DLGAP2: variants seen among roughly 807,000 people sequenced by gnomAD.
DLGAP2 encodes DLG associated protein 2.
In DLGAP2, 26 loss-of-function variants were observed where a neutral mutation model predicts 100.3. The ratio of observed to expected loss-of-function variants is 0.26; its 90% CI spans 0.19 to 0.36. The LOEUF (loss-of-function observed/expected upper bound fraction) is 0.36. Ranked by LOEUF, DLGAP2 falls within the 10% of genes least tolerant of loss-of-function variation. The pLI is 1.00. For missense variants in DLGAP2, 1,858 were observed against 1,453.2 expected (o/e 1.28, Z -4.53); for synonymous variants, 886 against 630.1 (o/e 1.41, Z -6.08).
At chr8:1,188,783 C>G (rs1326225433) in intron 2 of DLGAP2, among the ~76,000 whole-genome samples, 1 of 152,166 alleles carries the variant, frequency 6.6e-6, no homozygotes, top group African/African-American at 2.4e-5. Context: ...ACACGCTGAA[C>G]AAAAGCTTTG....
chr8:1,662,868 G>A (rs1798442375), intron 8 of DLGAP2, among the ~76,000 whole-genome samples: 1 of 150,608 alleles, frequency 6.6e-6, no homozygotes, highest in African/African-American at 2.5e-5. Flanking sequence ...ACGTGTGAGT[G>A]TGGGGTGTGT....
At position 1,701,391 on chromosome 8, in the gene DLGAP2, C is replaced by A. The variant is rs750848310; in HGVS notation, c.3153C>A (p.Ala1051=). 6 of 1,593,054 alleles carry A rather than the reference C, an allele frequency of 3.8e-6. No homozygotes were observed. Among genetic ancestry groups the A allele is most frequent in the Non-Finnish European group, 4.3e-6 (5 of 1,170,760 alleles). Residue 1051 remains alanine, a synonymous_variant, in exon 15 of 15, where the codon GCC becomes GCA. Coordinates refer to ENST00000637795, the MANE Select transcript of DLGAP2 (RefSeq NM_001346810.2). The part of the protein sequence containing the change: ...ADSIEIYIPE[A]QTRL ...GCATCGAGATCTACATCCCCGAGGC[C>A]CAGACCCGGCTCTGAGGGCGGAGGC... is the stretch of plus-strand genomic sequence containing the variant.
chr8:1,031,795 T>TA (rs1194662518), intron 2 of DLGAP2, among the ~76,000 whole-genome samples: 12 of 152,200 alleles, frequency 7.9e-5, no homozygotes, highest in African/African-American at 2.9e-4. Flanking sequence ...TACCAAAAAA[T>TA]AAAAATCATT....
rs184606838 is a variant in DLGAP2, at chr8:1,617,968, G to A, written c.1443-8772G>A. ...AGTAAGTGGAATAAGTAAGTAAAAG[G>A]CTACAGTTCTAACCCTGGGGAAAAA... On this transcript the variant is annotated intron_variant, in intron 6 of 14. Transcript: ENST00000637795. Among the ~76,000 whole-genome samples, 231 of 152,266 alleles carry A rather than the reference G, an allele frequency of 1.5e-3. 3 individuals carry two copies. Among genetic ancestry groups the A allele is most frequent in the Non-Finnish European group, 1.6e-3 (108 of 68,022 alleles).
At chr8:947,460 C>T (rs1377565411) in intron 2 of DLGAP2, among the ~76,000 whole-genome samples, 5 of 152,234 alleles carry the variant, frequency 3.3e-5, no homozygotes. Context: ...CAGCCCTGCC[C>T]TTACACGAAG....
chr8:1,566,022 G>C (rs935187068), intron 6 of DLGAP2, 128 bp downstream of exon 6: 2 of 655,774 alleles, frequency 3.0e-6, no homozygotes, highest in Non-Finnish European at 2.3e-6. Context: ...GAAAATATTA[G>C]ACCCATGGCT....
intron 1 of DLGAP2, among the ~76,000 whole-genome samples, chr8:804,876 C>G (rs1272090724): frequency 2.0e-5 from 3 of 152,096 alleles, no homozygotes; most frequent in Non-Finnish European, 4.4e-5. Flanking sequence ...AGTGATCCTC[C>G]CACCTCAACC....
intron 1 of DLGAP2, among the ~76,000 whole-genome samples, chr8:771,178 A>G (rs1438685677): frequency 1.3e-5 from 2 of 152,190 alleles, no homozygotes; most frequent in Admixed American, 6.5e-5. Flanking sequence ...CATAAACTCT[A>G]AACACTTAAT....
At chr8:1,344,192 G>T (rs1257255736) in intron 3 of DLGAP2, among the ~76,000 whole-genome samples, 1 of 152,012 alleles carries the variant, frequency 6.6e-6, no homozygotes, top group Non-Finnish European at 1.5e-5. Flanking sequence ...GTGGGTCCGT[G>T]TACTCGGGGC....
At chr8:1,452,202 G>A (rs936727800) in intron 3 of DLGAP2, among the ~76,000 whole-genome samples, 2 of 152,190 alleles carry the variant, frequency 1.3e-5, no homozygotes, top group African/African-American at 4.8e-5. Context: ...TGCGTGCTCT[G>A]TGGCCATGTG....
chr8:1,223,661 A>C (rs754419353), intron 2 of DLGAP2, among the ~76,000 whole-genome samples: 3 of 152,300 alleles, frequency 2.0e-5, no homozygotes, highest in African/African-American at 4.8e-5. Context: ...CCACAGCAAG[A>C]TTTCTGAAAG....
At chr8:1,528,249 A>G (rs1323602268) in intron 4 of DLGAP2, among the ~76,000 whole-genome samples, 1 of 152,176 alleles carries the variant, frequency 6.6e-6, no homozygotes. Context: ...GGCCAGGTCT[A>G]GGCCCAAGCA....
intron 3 of DLGAP2, among the ~76,000 whole-genome samples, chr8:1,480,792 G>A (rs1009102133): frequency 5.9e-5 from 9 of 151,842 alleles, no homozygotes; most frequent in African/African-American, 2.2e-4. Context: ...CTTGAACCCG[G>A]GAGGCAGAGG....
chr8:1,303,964 A>G (rs1415463835), intron 3 of DLGAP2, among the ~76,000 whole-genome samples: 1 of 152,118 alleles, frequency 6.6e-6, no homozygotes, highest in Non-Finnish European at 1.5e-5. Context: ...AGAAGGGAAG[A>G]GGTAATTTTT....
chr8:1,539,140 C>A (rs141712789), intron 4 of DLGAP2, among the ~76,000 whole-genome samples: 3,956 of 152,254 alleles, frequency 0.026, 92 homozygotes, highest in South Asian at 0.12. Flanking sequence ...CCTGCCTCAG[C>A]CTCCTAAAGT....
At chr8:882,998 C>T (rs1797841918) in intron 1 of DLGAP2, among the ~76,000 whole-genome samples, 1 of 152,254 alleles carries the variant, frequency 6.6e-6, no homozygotes, top group Non-Finnish European at 1.5e-5. Context: ...TTGTTTCCCT[C>T]CCTGTGCTCC....
chr8:1,226,294 A>G (rs1479675828), intron 2 of DLGAP2, among the ~76,000 whole-genome samples: 4 of 152,200 alleles, frequency 2.6e-5, no homozygotes, highest in African/African-American at 9.6e-5. Flanking sequence ...GCAGCCATGA[A>G]AAGGAATGGG....
At chr8:1,127,454 G>T (rs567916363) in intron 2 of DLGAP2, among the ~76,000 whole-genome samples, 1 of 152,066 alleles carries the variant, frequency 6.6e-6, no homozygotes, top group Non-Finnish European at 1.5e-5. Flanking sequence ...AGGCCCCTTC[G>T]TGGCCACGTT....
intron 2 of DLGAP2, among the ~76,000 whole-genome samples, chr8:928,965 AC>A (rs773950396): frequency 1.1e-4 from 13 of 118,874 alleles, no homozygotes; most frequent in East Asian, 2.7e-4. Context: ...AAAGATGAAG[AC>A]CCCCCCCGCC....
Sources: allele counts gnomAD v4.1 joint callset (sites outside exome capture counted in the v4.1 genomes callset), GRCh38; gene constraint gnomAD v4.1.1; transcripts MANE v1.5; gene names NCBI Gene and HGNC (gene_info 2026-07-23, HGNC 2026-07-21).